The following WWOX variants were observed in gnomAD, a reference collection of about 807,000 sequenced individuals.
WWOX encodes the protein WW domain containing oxidoreductase.
A neutral mutation model predicts 46.2 loss-of-function variants in WWOX; 69 were observed. The ratio of observed to expected loss-of-function variants is 1.49; its 90% CI spans 1.23 to 1.82. WWOX has a LOEUF of 1.82. Among genes scored for constraint, WWOX ranks in the 40% most tolerant of loss-of-function variants. The probability of loss-of-function intolerance (pLI) is 0.00; values close to 1 mark genes in which losing one functional copy is unlikely to be tolerated. For missense variants in WWOX, 919 were observed against 542.6 expected (o/e 1.69, Z -6.89); for synonymous variants, 359 against 202.6 (o/e 1.77, Z -6.56).
chr16:78,643,893 T>G (rs2046781366), intron 8 of WWOX, among the ~76,000 whole-genome samples: 1 of 151,260 alleles, frequency 6.6e-6, no homozygotes, highest in Non-Finnish European at 1.5e-5. Flanking sequence ...GCAGCTCCCT[T>G]GATATCTTGA....
chr16:78,858,679 A>G (rs983772764), intron 8 of WWOX, among the ~76,000 whole-genome samples: 1 of 151,790 alleles, frequency 6.6e-6, no homozygotes, highest in East Asian at 1.9e-4. Context: ...TTCCATCAAC[A>G]TGTCCTTTTT....
intron 8 of WWOX, among the ~76,000 whole-genome samples, chr16:78,434,733 G>T (rs2083298547): frequency 6.6e-6 from 1 of 152,172 alleles, no homozygotes; most frequent in South Asian, 2.1e-4. Flanking sequence ...GGATGGGAAA[G>T]CTTTAGAGAT....
At chr16:78,361,959 C>T (rs1397363003) in intron 5 of WWOX, among the ~76,000 whole-genome samples, 1 of 135,088 alleles carries the variant, frequency 7.4e-6, no homozygotes, top group Non-Finnish European at 1.5e-5. Context: ...AGCGTAGATT[C>T]ACAGGTATTT....
chr16:78,738,990 G>A (rs1270495656), intron 8 of WWOX, among the ~76,000 whole-genome samples: 1 of 152,152 alleles, frequency 6.6e-6, no homozygotes, highest in African/African-American at 2.4e-5. Flanking sequence ...GAAGACGTAG[G>A]TGATAGGATA....
chr16:78,638,154 A>C (rs74514331), intron 8 of WWOX, among the ~76,000 whole-genome samples: 2,580 of 152,184 alleles, frequency 0.017, 69 homozygotes, highest in African/African-American at 0.059. Flanking sequence ...ACTGTTTCCC[A>C]TGGCAATTAT....
intron 8 of WWOX, among the ~76,000 whole-genome samples, chr16:78,684,741 G>A (rs867030922): frequency 1.3e-5 from 2 of 152,100 alleles, no homozygotes; most frequent in East Asian, 1.9e-4. Context: ...TTAGTGGGAC[G>A]CATCATACTG....
chr16:79,157,405 T>C (rs1671860965), intron 8 of WWOX, among the ~76,000 whole-genome samples: 1 of 151,250 alleles, frequency 6.6e-6, no homozygotes, highest in Admixed American at 6.6e-5. Flanking sequence ...TCTCAGTTTT[T>C]TCATTTATAC....
chr16:79,038,859 C>G (rs918072757), intron 8 of WWOX, among the ~76,000 whole-genome samples: 2 of 152,132 alleles, frequency 1.3e-5, no homozygotes, highest in African/African-American at 4.8e-5. Flanking sequence ...CTAGAAATAA[C>G]TTTTAAATCA....
At chr16:78,565,176 A>G (rs749335813) in intron 8 of WWOX, among the ~76,000 whole-genome samples, 7 of 152,142 alleles carry the variant, frequency 4.6e-5, no homozygotes, top group Non-Finnish European at 7.4e-5. Flanking sequence ...TTGAAGTCTA[A>G]CTCCATCACT....
intron 8 of WWOX, among the ~76,000 whole-genome samples, chr16:78,535,918 C>T (rs1026481222): frequency 6.6e-6 from 1 of 152,122 alleles, no homozygotes; most frequent in Non-Finnish European, 1.5e-5. Flanking sequence ...AATTTATTGA[C>T]AGTGGACCGT....
chr16:78,671,610 ATAAAG>A (rs749192035), intron 8 of WWOX, among the ~76,000 whole-genome samples: 15 of 152,206 alleles, frequency 9.9e-5, no homozygotes, highest in Non-Finnish European at 2.1e-4. Flanking sequence ...TTTCTTACCT[ATAAAG>A]TAGAGATTCC....
At chr16:78,422,288 T>G (rs1379744817) in intron 6 of WWOX, among the ~76,000 whole-genome samples, 3 of 152,116 alleles carry the variant, frequency 2.0e-5, no homozygotes, top group African/African-American at 7.2e-5. Flanking sequence ...TTTTTATGTT[T>G]CCCTTTATTG....
chr16:78,530,650 G>A (rs2043599783), intron 8 of WWOX, among the ~76,000 whole-genome samples: 1 of 152,162 alleles, frequency 6.6e-6, no homozygotes, highest in South Asian at 2.1e-4. Context: ...AGGGATATAT[G>A]TTCTCACTTT....
chr16:79,084,975 G>C (rs891353413), intron 8 of WWOX, among the ~76,000 whole-genome samples: 2 of 151,406 alleles, frequency 1.3e-5, no homozygotes, highest in African/African-American at 4.9e-5. Context: ...TCCCAGGCTG[G>C]AGTGCAGTGG....
At chr16:78,770,468 C>G (rs961627597) in intron 8 of WWOX, among the ~76,000 whole-genome samples, 3 of 152,188 alleles carry the variant, frequency 2.0e-5, no homozygotes, top group African/African-American at 7.2e-5. Context: ...CCCCACGGGC[C>G]AGGACTGGGA....
intron 4 of WWOX, among the ~76,000 whole-genome samples, chr16:78,158,999 G>A (rs140211507): frequency 6.6e-6 from 1 of 152,168 alleles, no homozygotes; most frequent in East Asian, 1.9e-4. Flanking sequence ...GAGTGTCTTA[G>A]ATTCCTCATA....
At chr16:78,991,777 G>C (rs4888906) in intron 8 of WWOX, among the ~76,000 whole-genome samples, 150,696 of 152,192 alleles carry the variant, frequency 0.99, 74,627 homozygotes, top group East Asian at 1. Flanking sequence ...ACACATTTCC[G>C]TGTTCCCATA....
intron 8 of WWOX, among the ~76,000 whole-genome samples, chr16:78,877,527 C>A (rs1194886868): frequency 6.6e-6 from 1 of 152,240 alleles, no homozygotes; most frequent in Non-Finnish European, 1.5e-5. Flanking sequence ...GGCAGCCTGC[C>A]TCTCTGAGCC....
intron 8 of WWOX, among the ~76,000 whole-genome samples, chr16:78,715,868 A>G (rs987913414): frequency 6.6e-6 from 1 of 152,176 alleles, no homozygotes; most frequent in Non-Finnish European, 1.5e-5. Flanking sequence ...GCTGTGTCAC[A>G]TGACCCCTGA....
Sources: allele counts gnomAD v4.1 joint callset (sites outside exome capture counted in the v4.1 genomes callset), GRCh38; gene constraint gnomAD v4.1.1; transcripts MANE v1.5; gene names NCBI Gene and HGNC (gene_info 2026-07-23, HGNC 2026-07-21).